The following TBC1D5 variants were observed in gnomAD, a reference collection of about 807,000 sequenced individuals.
TBC1D5 encodes TBC1 domain family, member 5.
A neutral mutation model predicts 100.3 loss-of-function variants in TBC1D5; 75 were observed. The ratio of observed to expected loss-of-function variants is 0.75; its 90% CI spans 0.62 to 0.91. The LOEUF (loss-of-function observed/expected upper bound fraction) is 0.91, where lower values mean the gene tolerates loss of function less well. Ranked by LOEUF, TBC1D5 falls within the 40% of genes least tolerant of loss-of-function variation. TBC1D5 has a pLI of 0.00. For missense variants in TBC1D5, 910 were observed against 942.4 expected (o/e 0.97, Z 0.45); for synonymous variants, 323 against 325.6 (o/e 0.99, Z 0.09).
intron 13 of TBC1D5, among the ~76,000 whole-genome samples, chr3:17,310,323 T>C (rs1272532680): frequency 6.6e-6 from 1 of 152,086 alleles, no homozygotes. Context: ...ATTTAATATC[T>C]CCAAAACTAC....
chr3:17,426,214 A>G (rs2094332409), intron 4 of TBC1D5, among the ~76,000 whole-genome samples: 1 of 152,142 alleles, frequency 6.6e-6, no homozygotes, highest in African/African-American at 2.4e-5. Context: ...AATAATTTGC[A>G]TTTTCAAAAG....
chr3:17,416,405 C>A (rs1187850025), intron 4 of TBC1D5, among the ~76,000 whole-genome samples: 3 of 152,106 alleles, frequency 2.0e-5, no homozygotes, highest in African/African-American at 7.2e-5. Context: ...CAGTAGTTCC[C>A]ATATTGGACA....
intron 4 of TBC1D5, among the ~76,000 whole-genome samples, chr3:17,424,172 C>T (rs1241541131): frequency 4.6e-5 from 7 of 151,938 alleles, no homozygotes; most frequent in Non-Finnish European, 8.8e-5. Context: ...TTTAAATGTT[C>T]GCCTTCAATT....
At chr3:17,397,182 C>G (rs920848548) in intron 8 of TBC1D5, among the ~76,000 whole-genome samples, 3 of 152,024 alleles carry the variant, frequency 2.0e-5, no homozygotes, top group Non-Finnish European at 4.4e-5. Context: ...TGCTCCTTTT[C>G]TCTTGCAAGC....
chr3:17,383,539 A>C (rs2152231804), intron 9 of TBC1D5, among the ~76,000 whole-genome samples: 2 of 152,174 alleles, frequency 1.3e-5, no homozygotes, highest in South Asian at 4.1e-4. Context: ...AGGATACTTG[A>C]TTATTTTTTA....
chr3:17,515,519 T>A (rs1439298909), intron 2 of TBC1D5, among the ~76,000 whole-genome samples: 1 of 152,164 alleles, frequency 6.6e-6, no homozygotes, highest in African/African-American at 2.4e-5. Flanking sequence ...TAACACCTTT[T>A]ACAGATAAGG....
At chr3:17,464,137 G>A (rs1212271890) in intron 3 of TBC1D5, among the ~76,000 whole-genome samples, 1 of 151,802 alleles carries the variant, frequency 6.6e-6, no homozygotes, top group South Asian at 2.1e-4. Flanking sequence ...TTTTAGTAGA[G>A]ACGGGGTTTC....
intron 13 of TBC1D5, among the ~76,000 whole-genome samples, chr3:17,354,404 C>T (rs2090990602): frequency 6.6e-6 from 1 of 152,100 alleles, no homozygotes; most frequent in East Asian, 1.9e-4. Flanking sequence ...ATACTTTACA[C>T]CTTCTTTTAA....
intron 1 of TBC1D5, among the ~76,000 whole-genome samples, chr3:17,666,317 T>G (rs1159135232): frequency 6.6e-6 from 1 of 152,220 alleles, no homozygotes; most frequent in Non-Finnish European, 1.5e-5. Context: ...TTGGTCCAAT[T>G]ATTTATCTCC....
chr3:17,185,707 A>AT (rs987312102), intron 18 of TBC1D5, among the ~76,000 whole-genome samples: 9 of 151,880 alleles, frequency 5.9e-5, no homozygotes, highest in African/African-American at 1.9e-4. Flanking sequence ...AAAAATAAAA[A>AT]AAAAATAAAA....
chr3:17,325,268 T>A lies in TBC1D5; in HGVS notation c.996-17134A>T, dbSNP rs1169550958. 3.6e-3 allele frequency among the ~76,000 whole-genome samples: 460 copies of A among 127,790 alleles called. 2 individuals are homozygous for A. Among genetic ancestry groups the A allele is most frequent in the African/African-American group, 0.013 (443 of 34,690 alleles). 83.8% of individuals were successfully genotyped at this position (127,790 alleles called of 152,430 possible). A position where few individuals can be genotyped will look rare whatever the true frequency, so the allele number is the denominator to read the frequency against. On this transcript the variant is annotated intron_variant, in intron 13 of 21. Coordinates refer to ENST00000253692, the Ensembl canonical transcript of TBC1D5. ...TCCAGAAACTGGAATAGTACTCAGT[T>A]AAAAAAAAAAAAAAAAGAAATGAAC...
chr3:17,589,623 C>T (rs990039342), intron 2 of TBC1D5, among the ~76,000 whole-genome samples: 6 of 152,220 alleles, frequency 3.9e-5, no homozygotes, highest in African/African-American at 7.2e-5. Flanking sequence ...CAATAAATCT[C>T]GCTTTTTGTA....
chr3:17,504,713 A>T (rs1455024835), intron 3 of TBC1D5, among the ~76,000 whole-genome samples: 1 of 152,220 alleles, frequency 6.6e-6, no homozygotes, highest in Non-Finnish European at 1.5e-5. Context: ...AGATGACTCC[A>T]GCTAGTTAGC....
At position 17,308,703 on chromosome 3, in the gene TBC1D5, T is replaced by C. The variant is rs1051553397; in HGVS notation, c.996-569A>G. Among the ~76,000 whole-genome samples the C allele has an allele frequency of 7.9e-5, 12 of 152,160 alleles. No homozygotes were observed. In the South Asian group the frequency reaches 1.4e-3, roughly 18 times the overall value. ...AGACAGTTATTTTAAATGAAGGATA[T>C]AGTCATACTTATTTTTTTTAGCTTT... On this transcript the variant is annotated intron_variant, in intron 13 of 21. Coordinates refer to ENST00000253692, the Ensembl canonical transcript of TBC1D5.
At chr3:17,459,324 A>T (rs2095155658) in intron 3 of TBC1D5, among the ~76,000 whole-genome samples, 1 of 152,118 alleles carries the variant, frequency 6.6e-6, no homozygotes, top group South Asian at 2.1e-4. Context: ...GATTCTCATA[A>T]GGAGTGTGCA....
chr3:17,198,931 AT>A (rs1370237988), intron 18 of TBC1D5, among the ~76,000 whole-genome samples: 1 of 152,230 alleles, frequency 6.6e-6, no homozygotes, highest in Admixed American at 6.5e-5. Flanking sequence ...ATGGTCGGGA[AT>A]GGGAAGTCCT....
chr3:17,249,428 G>T (rs1224343102), intron 16 of TBC1D5, among the ~76,000 whole-genome samples: 8 of 152,174 alleles, frequency 5.3e-5, no homozygotes, highest in Admixed American at 5.2e-4. Flanking sequence ...GTTTGAATAT[G>T]TTTTCCCTCC....
chr3:17,704,293 C>T (rs1259417187), intron 1 of TBC1D5, among the ~76,000 whole-genome samples: 1 of 149,190 alleles, frequency 6.7e-6, no homozygotes, highest in Non-Finnish European at 1.5e-5. Flanking sequence ...TAGTGCAGAA[C>T]AAAATGAAAA....
intron 3 of TBC1D5, among the ~76,000 whole-genome samples, chr3:17,435,767 G>T (rs982387183): frequency 1.3e-5 from 2 of 152,206 alleles, no homozygotes; most frequent in African/African-American, 2.4e-5. Flanking sequence ...GCAAAAGCTG[G>T]TGAGGATTTC....
Sources: allele counts gnomAD v4.1 joint callset (sites outside exome capture counted in the v4.1 genomes callset), GRCh38; gene constraint gnomAD v4.1.1; transcripts MANE v1.5; gene names NCBI Gene and HGNC (gene_info 2026-07-23, HGNC 2026-07-21).